The following ST14 variants were observed in gnomAD, a reference collection of about 807,000 sequenced individuals.
The protein encoded by ST14 is ST14 transmembrane serine protease matriptase, also known as suppressor of tumorigenicity 14 protein.
ST14 carries 40 observed loss-of-function variants against 96.5 expected under a neutral mutation model. The ratio of observed to expected loss-of-function variants is 0.41; its 90% CI spans 0.32 to 0.54. ST14 has a LOEUF of 0.54. Ranked by LOEUF, ST14 falls within the 20% of genes least tolerant of loss-of-function variation. ST14 has a pLI of 0.17. For synonymous variants in ST14, 506 were observed against 492.1 expected (o/e 1.03, Z -0.37); for missense variants, 1,066 against 1,188.9 (o/e 0.90, Z 1.52).
Position 130,190,477 on chromosome 11 carries a change from G to T in ST14, c.658G>T (p.Ala220Ser), listed in dbSNP as rs147508411. ...QDNSCSFGLH[A>S]RGVELMRFTT... ...AGACAGCTGCAGCTTTGGCCTGCAC[G>T]CCCGCGGTGTGGAGCTGATGCGCTT... Residue 220 changes from alanine (A) to serine (S), a missense_variant, in exon 7 of 19, where the codon GCC becomes TCC. Transcript: ENST00000278742. The T allele has an allele frequency of 2.5e-6, 4 of 1,607,460 alleles. No homozygotes were observed. The Admixed American group carries it at 5.0e-5, about 20-fold the overall frequency.
intron 8 of ST14, 100 bp downstream of exon 8, chr11:130,194,388 C>A: frequency 2.6e-6 from 4 of 1,530,740 alleles, no homozygotes; most frequent in Non-Finnish European, 2.7e-6. Flanking sequence ...AGGCTAGACC[C>A]TGTGGTTGGC....
intron 16 of ST14, among the ~76,000 whole-genome samples, chr11:130,204,196 G>A (rs1301161923): frequency 2.6e-5 from 4 of 152,204 alleles, no homozygotes; most frequent in African/African-American, 7.2e-5. Flanking sequence ...TCGCATCACA[G>A]ATGCCCAGAG....
chr11:130,167,766 G>A (rs1373960337), intron 1 of ST14, among the ~76,000 whole-genome samples: 1 of 152,048 alleles, frequency 6.6e-6, no homozygotes, highest in East Asian at 1.9e-4. Flanking sequence ...CTAGGCTGGA[G>A]TGCAGTGGCG....
In ST14 at chr11:130,163,409, CTTTTA is replaced by C. The variant is rs976245017; in HGVS notation, c.81+3354_81+3358del. On this transcript the variant is annotated intron_variant, in intron 1 of 18. Coordinates refer to ENST00000278742, the MANE Select transcript of ST14 (RefSeq NM_021978.4). The stretch of plus-strand genomic sequence containing the variant: ...GCCCCTCCCACCATAGAAAATTAAA[CTTTTA>C]TTTTGTTTTGTTTTTTAGACATGGG... Among the ~76,000 whole-genome samples the C allele has an allele frequency of 1.2e-4, 19 of 152,228 alleles. No homozygotes were observed. The East Asian group carries it at 2.9e-3, about 23-fold the overall frequency.
intron 9 of ST14, 138 bp from the exon 10 acceptor site, chr11:130,196,201 G>A: frequency 1.4e-6 from 1 of 721,180 alleles, no homozygotes; most frequent in Admixed American, 2.0e-5. Flanking sequence ...AAACACGCTG[G>A]GAGAACTTTG....
intron 1 of ST14, among the ~76,000 whole-genome samples, chr11:130,171,053 T>C (rs1299337931): frequency 6.6e-6 from 1 of 152,248 alleles, no homozygotes; most frequent in African/African-American, 2.4e-5. Flanking sequence ...CAGATGATAC[T>C]GCTGTTGTGC....
At chr11:130,182,322 C>CA (rs1555152818) in intron 1 of ST14, among the ~76,000 whole-genome samples, 1 of 145,842 alleles carries the variant, frequency 6.9e-6, no homozygotes, top group Non-Finnish European at 1.5e-5. Flanking sequence ...TCTTTCTTTC[C>CA]TTTTTTTTTT....
At position 130,175,440 on chromosome 11, in the gene ST14, C is replaced by T. The variant is rs192671781; in HGVS notation, c.82-12674C>T. On this transcript the variant is annotated intron_variant, in intron 1 of 18. Transcript: ENST00000278742. Reference sequence around the variant, plus strand: ...TGTTGCCCAGGCTGGAGTGCAATGGCGCAATCTCGGCTCATCCCAACCTCC... The same window carrying T: ...TGTTGCCCAGGCTGGAGTGCAATGGTGCAATCTCGGCTCATCCCAACCTCC... Among the ~76,000 whole-genome samples, 757 of 146,656 alleles carry T rather than the reference C, an allele frequency of 5.2e-3. 7 individuals carry two copies. The highest frequency in any genetic ancestry group is 0.017 in the African/African-American group (656 of 39,614).
At chr11:130,185,177 A>G (rs1394889486) in intron 1 of ST14, among the ~76,000 whole-genome samples, 2 of 152,268 alleles carry the variant, frequency 1.3e-5, no homozygotes, top group Non-Finnish European at 2.9e-5. Context: ...TTTTGCATTC[A>G]TGGAACAAAT....
chr11:130,189,091 A>G, intron 4 of ST14, 152 bp downstream of exon 4: 2 of 849,612 alleles, frequency 2.4e-6, no homozygotes, highest in East Asian at 5.3e-5. Flanking sequence ...CCTGTGCGTT[A>G]CTTGGCAGCC....
intron 16 of ST14, 90 bp downstream of exon 16, chr11:130,200,227 A>G: frequency 6.7e-7 from 1 of 1,483,764 alleles, no homozygotes; most frequent in Admixed American, 1.9e-5. Context: ...GAGGCAGGGC[A>G]CTGGAGGGGT....
chr11:130,189,247 C>T, intron 4 of ST14: 1 of 523,428 alleles, frequency 1.9e-6, no homozygotes, highest in Non-Finnish European at 3.5e-6. Context: ...AGTTGGGGTA[C>T]TCAGGCAGCC....
At chr11:130,175,942 C>T (rs527674415) in intron 1 of ST14, among the ~76,000 whole-genome samples, 4 of 152,334 alleles carry the variant, frequency 2.6e-5, no homozygotes, top group East Asian at 3.9e-4. Flanking sequence ...AAATTACAGG[C>T]GTGAGCCACC....
At position 130,188,810 on chromosome 11, in the gene ST14, G is replaced by A. The variant is rs551874965; in HGVS notation, c.370-59G>A. 5.9e-5 allele frequency: 95 copies of A among 1,603,964 alleles called. 1 individual carries two copies. Among genetic ancestry groups the A allele is most frequent in the African/African-American group, 8.0e-5 (6 of 74,800 alleles). ...GGCCCTGGAGGGGAGGGAGCAGCCCGGGCTTGGGGCAGGGTCATCGCCGCA... is the reference window on the plus strand; with the variant it reads ...GGCCCTGGAGGGGAGGGAGCAGCCCAGGCTTGGGGCAGGGTCATCGCCGCA... On this transcript the variant is annotated intron_variant, in intron 3 of 18. Coordinates refer to ENST00000278742, the MANE Select transcript of ST14 (RefSeq NM_021978.4). The surrounding 1 kb of genome is among the most constrained non-coding windows in gnomAD (Gnocchi z 5.4).
chr11:130,191,914 G>C (rs961487706), intron 7 of ST14, among the ~76,000 whole-genome samples: 1 of 152,194 alleles, frequency 6.6e-6, no homozygotes, highest in Non-Finnish European at 1.5e-5. Flanking sequence ...GGCCCCCATA[G>C]GTGGGTTTGC....
chr11:130,167,802 C>T (rs1953055523), intron 1 of ST14, among the ~76,000 whole-genome samples: 1 of 152,140 alleles, frequency 6.6e-6, no homozygotes, highest in Non-Finnish European at 1.5e-5. Flanking sequence ...GCAACCTCTG[C>T]CTCCCGGGTT....
chr11:130,208,703 T>C lies in ST14; in HGVS notation c.2269+19T>C, dbSNP rs1171718808. ...TATGGAGGTAAGCTTCGGGCTGACC[T>C]AGGGCTCCGCAGAGGGCCTGGGGCC... On this transcript the variant is annotated intron_variant, in intron 17 of 18. Transcript: ENST00000278742. 4 of 1,608,218 alleles carry C rather than the reference T, an allele frequency of 2.5e-6. No homozygotes were observed. The highest frequency in any genetic ancestry group is 2.5e-6 in the Non-Finnish European group (3 of 1,176,556).
Position 130,188,683 on chromosome 11 carries a change from G to A in ST14, c.369+26G>A. The A allele has an allele frequency of 6.2e-7, 1 of 1,613,904 alleles. No homozygotes were observed. The highest frequency in any genetic ancestry group is 8.5e-7 in the Non-Finnish European group (1 of 1,180,014). On this transcript the variant is annotated intron_variant, in intron 3 of 18. Coordinates refer to ENST00000278742, the MANE Select transcript of ST14 (RefSeq NM_021978.4). The surrounding 1 kb of genome is among the most constrained non-coding windows in gnomAD (Gnocchi z 5.4). ...GTGAGTGCAGCCTGCCCAGAGTCCT[G>A]CTGGGCTGTGTGCGCTGGTGTCCCA...
At chr11:130,160,165 C>G (rs1952988462) in intron 1 of ST14, 105 bp downstream of exon 1, 1 of 775,882 alleles carries the variant, frequency 1.3e-6, no homozygotes, top group Non-Finnish European at 1.8e-6. Context: ...CGTCGGTGGC[C>G]GAGCTCTGGG....
Sources: allele counts gnomAD v4.1 joint callset (sites outside exome capture counted in the v4.1 genomes callset), GRCh38; gene constraint gnomAD v4.1.1; non-coding constraint Gnocchi (gnomAD v3.1); transcripts MANE v1.5; gene names NCBI Gene and HGNC (gene_info 2026-07-23, HGNC 2026-07-21).